PITPNA: variants seen among roughly 807,000 people sequenced by gnomAD.
PITPNA encodes phosphatidylinositol transfer protein alpha isoform.
In PITPNA, 13 loss-of-function variants were observed where a neutral mutation model predicts 50.3. The observed-to-expected ratio is 0.26, with a 90% CI of 0.17 to 0.41. The LOEUF (loss-of-function observed/expected upper bound fraction) is 0.41. PITPNA is among the 10% of genes least tolerant of loss of function. The pLI is 1.00. For missense variants in PITPNA, 207 were observed against 333.4 expected, an observed-to-expected ratio of 0.62 and a Z score of 2.95; for synonymous variants, 120 against 119.6, an observed-to-expected ratio of 1.00 and a Z score of -0.02.
intron 2 of PITPNA, among the ~76,000 whole-genome samples, 188 bp downstream of exon 2, chr17:1,558,341 C>T (rs991905766): frequency 5.9e-5 from 9 of 152,068 alleles, no homozygotes; most frequent in Admixed American, 5.2e-4. Context: ...AGGTTGCACA[C>T]AGTTACCCAG....
At chr17:1,535,680 A>T (rs1722019422) in intron 7 of PITPNA, 162 bp from the exon 8 acceptor site, 1 of 636,166 alleles carries the variant, frequency 1.6e-6, no homozygotes, top group African/African-American at 1.8e-5. Flanking sequence ...AACTGTTTAC[A>T]TTAGCCTCAG....
intron 3 of PITPNA, among the ~76,000 whole-genome samples, chr17:1,552,362 C>T (rs1163083262): frequency 7.9e-5 from 12 of 152,220 alleles, no homozygotes; most frequent in Admixed American, 7.9e-4. Context: ...ACCATCAACG[C>T]CCTTTGGGTC....
intron 10 of PITPNA, among the ~76,000 whole-genome samples, chr17:1,529,805 A>G (rs2075570418): frequency 6.6e-6 from 1 of 151,730 alleles, no homozygotes; most frequent in African/African-American, 2.4e-5. Flanking sequence ...CAATGAGCCA[A>G]GATTGCACCA....
At chr17:1,529,738 C>G (rs1293464337) in intron 10 of PITPNA, among the ~76,000 whole-genome samples, 6 of 151,646 alleles carry the variant, frequency 4.0e-5, no homozygotes, top group Admixed American at 2.6e-4. Flanking sequence ...ACCTGTAGTC[C>G]CAGCTACTCA....
At chr17:1,556,587 A>G (rs982529686) in intron 2 of PITPNA, among the ~76,000 whole-genome samples, 4 of 152,092 alleles carry the variant, frequency 2.6e-5, no homozygotes, top group African/African-American at 9.7e-5. Flanking sequence ...CGTTCCATCA[A>G]GAAACTCCCT....
chr17:1,535,567 G>A (rs2075610985), intron 7 of PITPNA, 49 bp from the exon 8 acceptor site: 14 of 1,084,366 alleles, frequency 1.3e-5, no homozygotes, highest in Non-Finnish European at 2.0e-5. Flanking sequence ...GAGAGGGAGT[G>A]AGAGATGGGG....
rs1284290440 is a variant in PITPNA, at chr17:1,535,461, G to C, written c.514C>G (p.Pro172Ala). 1 of 1,613,344 alleles carries C rather than the reference G, an allele frequency of 6.2e-7. No homozygotes were observed. The highest frequency in any genetic ancestry group is 8.5e-7 in the Non-Finnish European group (1 of 1,179,308). The stretch of plus-strand genomic sequence containing the variant: ...GGTACCTTCCAATTGGGGCCCAAGG[G>C]TCCTCGGCCTGTTTTGATAGATTTA... ...KFKSIKTGRG[P>A]LGPNWKQELV... is the part of the protein sequence containing the mutation. Residue 172 changes from proline (P) to alanine (A), a missense_variant, in exon 8 of 12, where the codon CCC becomes GCC. Physicochemically the swap from Pro to Ala is conservative, Grantham distance 27 (BLOSUM62 -1). Coordinates refer to ENST00000313486, the MANE Select transcript of PITPNA (RefSeq NM_006224.4).
chr17:1,550,657 T>G (rs981718168), intron 3 of PITPNA, among the ~76,000 whole-genome samples: 4 of 152,120 alleles, frequency 2.6e-5, no homozygotes, highest in African/African-American at 9.7e-5. Flanking sequence ...GCCTCCCAAG[T>G]AGCTGGGACT....
chr17:1,558,612 G>C (rs1006944662), intron 1 of PITPNA, 53 bp from the exon 2 acceptor site: 2 of 1,317,702 alleles, frequency 1.5e-6, no homozygotes, highest in African/African-American at 1.4e-5. Context: ...ATCTGCTCAA[G>C]GCTCTTTAAA....
At chr17:1,538,806 C>G (rs2075632253) in intron 7 of PITPNA, 63 bp downstream of exon 7, 2 of 992,436 alleles carry the variant, frequency 2.0e-6, no homozygotes, top group Admixed American at 3.9e-5. Context: ...TTCCTGGTTT[C>G]TTTAGCATTG....
chr17:1,525,411 G>C (rs989222288), intron 10 of PITPNA, among the ~76,000 whole-genome samples: 4 of 151,728 alleles, frequency 2.6e-5, no homozygotes, highest in Admixed American at 1.3e-4. Flanking sequence ...TTAAGCCATA[G>C]CCCACTTCAG....
chr17:1,551,154 G>A (rs994763450), intron 3 of PITPNA, among the ~76,000 whole-genome samples: 1 of 152,196 alleles, frequency 6.6e-6, no homozygotes, highest in African/African-American at 2.4e-5. Flanking sequence ...TAAGAAGGGC[G>A]AGTGAGAGTA....
At chr17:1,556,424 C>T (rs1598414292) in intron 2 of PITPNA, among the ~76,000 whole-genome samples, 2 of 152,188 alleles carry the variant, frequency 1.3e-5, no homozygotes, top group Admixed American at 1.3e-4. Flanking sequence ...TGGATGCTCT[C>T]AAGGTGGAAG....
intron 6 of PITPNA, among the ~76,000 whole-genome samples, chr17:1,539,400 G>GGA (rs1334121198): frequency 6.6e-6 from 1 of 150,460 alleles, no homozygotes; most frequent in Non-Finnish European, 1.5e-5. Context: ...GGGCCCGAGT[G>GGA]ATCCTCCTGT....
In PITPNA at chr17:1,562,531, G is replaced by T. The variant is rs1270663628; in HGVS notation, c.20+10C>A. On this transcript the variant is annotated intron_variant, in intron 1 of 11. Transcript: ENST00000313486. This position sits in a 1 kb window ranked among gnomAD's most constrained non-coding sequence, Gnocchi z 6.4. Reference sequence around the variant, plus strand: ...TCCTCCCCGCTTCCGCACGGCCGCCGGACACTCACTACTCCTTGAGCAGCA... The same window carrying T: ...TCCTCCCCGCTTCCGCACGGCCGCCTGACACTCACTACTCCTTGAGCAGCA... 2.1e-6 allele frequency: 3 copies of T among 1,416,154 alleles called. No homozygotes were observed. The highest frequency in any genetic ancestry group is 2.8e-6 in the Non-Finnish European group (3 of 1,074,730). The allele number at this position is 1,416,154 out of a possible 1,614,324, so 87.7% of individuals were successfully genotyped here.
At chr17:1,521,241 T>C (rs1598401216) in intron 11 of PITPNA, among the ~76,000 whole-genome samples, 2 of 152,044 alleles carry the variant, frequency 1.3e-5, no homozygotes, top group African/African-American at 4.8e-5. Context: ...GGCGCTGGCG[T>C]GGGAAGGCCA....
intron 3 of PITPNA, among the ~76,000 whole-genome samples, chr17:1,550,051 CT>C (rs2075700250): frequency 6.6e-6 from 1 of 152,146 alleles, no homozygotes; most frequent in East Asian, 1.9e-4. Context: ...TGCCTCAGGC[CT>C]AAGAAAGAAG....
At chr17:1,522,071 C>CTTTTCT (rs751204255) in intron 10 of PITPNA, among the ~76,000 whole-genome samples, 6 of 141,612 alleles carry the variant, frequency 4.2e-5, no homozygotes, top group East Asian at 2.0e-4. Flanking sequence ...TATGAAACAT[C>CTTTTCT]TTTTTTTTTT....
intron 4 of PITPNA, among the ~76,000 whole-genome samples, chr17:1,545,708 A>G (rs1188073173): frequency 6.6e-6 from 1 of 152,190 alleles, no homozygotes; most frequent in Non-Finnish European, 1.5e-5. Flanking sequence ...TAACGTGCAG[A>G]AAAATGCCCA....
Sources: allele counts gnomAD v4.1 joint callset (sites outside exome capture counted in the v4.1 genomes callset), GRCh38; gene constraint gnomAD v4.1.1; non-coding constraint Gnocchi (gnomAD v3.1); transcripts MANE v1.5; gene names NCBI Gene and HGNC (gene_info 2026-07-23, HGNC 2026-07-21).